ABCA12: variants seen among roughly 807,000 people sequenced by gnomAD.
ABCA12 encodes ATP binding cassette subfamily A member 12, also known as glucosylceramide transporter ABCA12.
A neutral mutation model predicts 293.5 loss-of-function variants in ABCA12; 156 were observed. That is an observed-to-expected ratio of 0.53 (90% CI 0.47 to 0.61). The LOEUF is 0.61. Ranked by LOEUF, ABCA12 falls within the 20% of genes least tolerant of loss-of-function variation. The probability of loss-of-function intolerance (pLI) is 0.00; values close to 1 mark genes in which losing one functional copy is unlikely to be tolerated. For synonymous variants in ABCA12, 1,063 were observed against 1,108.0 expected, an observed-to-expected ratio of 0.96 and a Z score of 0.81; for missense variants, 2,797 against 3,090.2, an observed-to-expected ratio of 0.91 and a Z score of 2.25.
chr2:215,133,307 T>C (rs1703104762), intron 1 of ABCA12, among the ~76,000 whole-genome samples: 1 of 151,706 alleles, frequency 6.6e-6, no homozygotes, highest in Admixed American at 6.6e-5. Flanking sequence ...ATGTCTACCA[T>C]TCAAGCAAGA....
At chr2:215,119,764 C>CA (rs111543621) in intron 1 of ABCA12, among the ~76,000 whole-genome samples, 7,349 of 136,834 alleles carry the variant, frequency 0.054, 641 homozygotes, top group African/African-American at 0.18. Context: ...GAAAACAAAA[C>CA]AAAAAAAAAC....
At chr2:215,085,350 A>C (rs1178978864) in intron 2 of ABCA12, 1 of 152,200 alleles carries the variant, frequency 6.6e-6, no homozygotes, top group Non-Finnish European at 1.5e-5. Context: ...GTGTGGTGTT[A>C]GCCCAGGCCT....
At chr2:215,100,045 ACTCTCTTTCCCAGGCCTGG>A (rs1702325354) in intron 2 of ABCA12, among the ~76,000 whole-genome samples, 1 of 146,930 alleles carries the variant, frequency 6.8e-6, no homozygotes, top group East Asian at 2.0e-4. Context: ...ACAGGGTCTT[ACTCTCTTTCCCAGGCCTGG>A]AGTACAGTGG....
chr2:215,008,479 A>G (rs1442153538), intron 18 of ABCA12, among the ~76,000 whole-genome samples: 1 of 151,644 alleles, frequency 6.6e-6, no homozygotes, highest in Non-Finnish European at 1.5e-5. Context: ...CGGTGTTATA[A>G]AAAAAAATGT....
intron 2 of ABCA12, among the ~76,000 whole-genome samples, chr2:215,084,348 C>T (rs917626304): frequency 6.6e-6 from 1 of 151,998 alleles, no homozygotes; most frequent in Non-Finnish European, 1.5e-5. Context: ...AGAACCACCC[C>T]CCCACCAAAA....
At chr2:215,091,338 G>A (rs1702137986) in intron 2 of ABCA12, among the ~76,000 whole-genome samples, 1 of 152,108 alleles carries the variant, frequency 6.6e-6, no homozygotes, top group Non-Finnish European at 1.5e-5. Flanking sequence ...CTGGCTTACA[G>A]TTTCATTCTG....
chr2:214,937,984 CTGGGATACA>C (rs1403794509), intron 50 of ABCA12, among the ~76,000 whole-genome samples: 1 of 151,998 alleles, frequency 6.6e-6, no homozygotes, highest in Non-Finnish European at 1.5e-5. Flanking sequence ...ACTTTAAGTT[CTGGGATACA>C]TGTGCAGAAT....
chr2:215,032,185 A>T (rs1574998583), intron 8 of ABCA12: 2 of 1,068,992 alleles, frequency 1.9e-6, no homozygotes, highest in East Asian at 7.8e-5. Flanking sequence ...TTATCCCAGG[A>T]CCTGCATATG....
chr2:215,004,441 T>C (rs1034288458), intron 19 of ABCA12, 142 bp from the exon 20 acceptor site: 2 of 661,870 alleles, frequency 3.0e-6, no homozygotes, highest in African/African-American at 3.6e-5. Context: ...CACAGAGAAA[T>C]CCTTGAGAAG....
At position 215,026,928 on chromosome 2, in the gene ABCA12, G is replaced by C; in HGVS notation, c.1072C>G (p.Leu358Val). ...AAGAGGGCATCTTCAAAGTTTTCCA[G>C]AATTAGGAGCCTGCAGAATTAGAAA... ...PSSLAAQLLI[L>V]ENFEDALLNI... The change falls in exon 10 of 53, where the codon CTG becomes GTG. Residue 358 changes from leucine (L) to valine (V), a missense_variant. Physicochemically the swap from Leu to Val is conservative, Grantham distance 32. Coordinates refer to ENST00000272895, the MANE Select transcript of ABCA12 (RefSeq NM_173076.3). 1.3e-6 allele frequency: 2 copies of C among 1,582,856 alleles called. No individual in the cohort carries two copies. Among genetic ancestry groups the C allele is most frequent in the Non-Finnish European group, 1.7e-6 (2 of 1,151,742 alleles).
intron 48 of ABCA12, 149 bp downstream of exon 48, chr2:214,947,273 A>C: frequency 9.7e-7 from 1 of 1,031,718 alleles, no homozygotes; most frequent in Non-Finnish European, 1.5e-6. Context: ...TTATTGAGAT[A>C]GTATACATAA....
At chr2:215,134,894 T>C (rs112977739) in intron 1 of ABCA12, among the ~76,000 whole-genome samples, 5,160 of 152,102 alleles carry the variant, frequency 0.034, 137 homozygotes, top group African/African-American at 0.064. Flanking sequence ...GTCTTCCACC[T>C]GCCTTGGCCT....
intron 11 of ABCA12, among the ~76,000 whole-genome samples, chr2:215,021,645 C>T (rs1700633770): frequency 6.6e-6 from 1 of 152,112 alleles, no homozygotes; most frequent in African/African-American, 2.4e-5. Flanking sequence ...TTCATTGCAG[C>T]TCAGTTTCTA....
At chr2:214,949,706 A>G (rs1017933179) in intron 45 of ABCA12, among the ~76,000 whole-genome samples, 2 of 152,210 alleles carry the variant, frequency 1.3e-5, no homozygotes, top group African/African-American at 4.8e-5. Context: ...AAATAGATGC[A>G]GTCCTAGGAC....
At chr2:214,944,601 G>C (rs1200792907) in intron 49 of ABCA12, among the ~76,000 whole-genome samples, 1 of 151,900 alleles carries the variant, frequency 6.6e-6, no homozygotes, top group Non-Finnish European at 1.5e-5. Flanking sequence ...ATAGAATGGA[G>C]AGCCTTGCAT....
chr2:215,110,477 T>C (rs1431519021), intron 2 of ABCA12, among the ~76,000 whole-genome samples: 1 of 152,200 alleles, frequency 6.6e-6, no homozygotes, highest in African/African-American at 2.4e-5. Flanking sequence ...ATCGCGCCAC[T>C]GCACTCCAGC....
At chr2:215,131,735 CT>C (rs1703063392) in intron 1 of ABCA12, among the ~76,000 whole-genome samples, 1 of 80,280 alleles carries the variant, frequency 1.2e-5, no homozygotes, top group Non-Finnish European at 2.6e-5. Flanking sequence ...CCTGAATCTC[CT>C]TTATTTTTGC....
intron 2 of ABCA12, among the ~76,000 whole-genome samples, chr2:215,108,447 T>C (rs1000283358): frequency 6.6e-6 from 1 of 152,170 alleles, no homozygotes; most frequent in South Asian, 2.1e-4. Flanking sequence ...GTTCATGAGC[T>C]TAAAACAAGA....
At chr2:215,118,345 C>A (rs934085183) in intron 1 of ABCA12, among the ~76,000 whole-genome samples, 6 of 151,828 alleles carry the variant, frequency 4.0e-5, no homozygotes, top group African/African-American at 1.2e-4. Context: ...GAGGTTGCAG[C>A]GAGCCGAGAT....
Sources: gnomAD v4.1 joint callset for allele counts (sites outside exome capture counted in the v4.1 genomes callset) on GRCh38, gnomAD v4.1.1 for gene constraint, MANE v1.5 for transcripts, NCBI Gene and HGNC (gene_info 2026-07-23, HGNC 2026-07-21) for gene names.